Variants in NTN1 observed in about 807,000 individuals in gnomAD.
NTN1 encodes netrin 1.
NTN1 carries 11 observed loss-of-function variants against 54.2 expected under a neutral mutation model. That is an observed-to-expected ratio of 0.20 (90% CI 0.13 to 0.34). The LOEUF is 0.34. Among genes scored for constraint, NTN1 ranks in the 10% least tolerant of loss-of-function variants. The probability of loss-of-function intolerance (pLI) is 1.00; values close to 1 mark genes in which losing one functional copy is unlikely to be tolerated. For missense variants in NTN1, 740 were observed against 893.1 expected (o/e 0.83, Z 2.18); for synonymous variants, 371 against 382.0 (o/e 0.97, Z 0.33).
chr17:9,171,539 G>A (rs1047759589), intron 3 of NTN1: 1 of 152,318 alleles, frequency 6.6e-6, no homozygotes, highest in South Asian at 2.1e-4. Flanking sequence ...ATGATGGATT[G>A]TGGTGAGTTA....
chr17:9,135,525 C>T lies in NTN1; in HGVS notation c.1019-27288C>T, dbSNP rs1231731182. Among the ~76,000 whole-genome samples the T allele has an allele frequency of 6.6e-6, 1 of 152,226 alleles. No homozygotes were observed. Among genetic ancestry groups the T allele is most frequent in the Non-Finnish European group, 1.5e-5 (1 of 68,038 alleles). On this transcript the variant is annotated intron_variant, in intron 2 of 6. Coordinates refer to ENST00000173229, the MANE Select transcript of NTN1 (RefSeq NM_004822.3). This position sits in a 1 kb window ranked among gnomAD's most constrained non-coding sequence, Gnocchi z 4.4. ...TTAGTCCTCTTGACCATGAGACTCT[C>T]CTAAGTTCTGAATGCAGAGGATTGG...
chr17:9,039,619 T>C (rs1414497081), intron 2 of NTN1, among the ~76,000 whole-genome samples: 1 of 152,210 alleles, frequency 6.6e-6, no homozygotes, highest in African/African-American at 2.4e-5. Flanking sequence ...ATAAATAACA[T>C]ATCCATCAGC....
At chr17:9,163,057 C>T in intron 3 of NTN1, 56 bp downstream of exon 3, 1 of 1,498,760 alleles carries the variant, frequency 6.7e-7, no homozygotes. Flanking sequence ...CATCAGTCCT[C>T]CCGCTCCCTC....
chr17:9,118,947 T>G (rs2092223831), intron 2 of NTN1, among the ~76,000 whole-genome samples: 1 of 152,238 alleles, frequency 6.6e-6, no homozygotes, highest in African/African-American at 2.4e-5. Context: ...TTGAGAATAA[T>G]ACTTGCTATG....
intron 2 of NTN1, among the ~76,000 whole-genome samples, chr17:9,097,756 A>G (rs1321930858): frequency 6.6e-6 from 1 of 152,240 alleles, no homozygotes; most frequent in Non-Finnish European, 1.5e-5. Flanking sequence ...CGCTTTTATC[A>G]CTTAATATAT....
intron 2 of NTN1, among the ~76,000 whole-genome samples, chr17:9,070,356 C>T (rs773203899): frequency 6.6e-6 from 1 of 152,144 alleles, no homozygotes; most frequent in African/African-American, 2.4e-5. Flanking sequence ...AAATGTCATG[C>T]GTGCTTCTTT....
rs143697957 is a variant in NTN1, at chr17:9,026,877, C to G, written c.1018+3486C>G. On this transcript the variant is annotated intron_variant, in intron 2 of 6. Coordinates refer to ENST00000173229, the MANE Select transcript of NTN1 (RefSeq NM_004822.3). Reference sequence around the variant, plus strand: ...ATGAAAACTTGTTTTGCGACTCACTCTATGGCTTTGCATTGCTCAGCTGTA... The same window carrying G: ...ATGAAAACTTGTTTTGCGACTCACTGTATGGCTTTGCATTGCTCAGCTGTA... 3.5e-3 allele frequency among the ~76,000 whole-genome samples: 527 copies of G among 152,236 alleles called. 3 individuals are homozygous for G. The highest frequency in any genetic ancestry group is 0.012 in the African/African-American group (497 of 41,526).
In NTN1 at chr17:9,241,680, A is replaced by G. The variant is rs997882013; in HGVS notation, c.*1712A>G. ...TTTACCCGCATCACGGCTGCCATTT[A>G]TTGAGCACCTGCTGTGTGCCAGGCA... On this transcript the variant is annotated 3_prime_UTR_variant, in exon 7 of 7. Transcript: ENST00000173229. 2.6e-5 allele frequency: 4 copies of G among 152,296 alleles called. No individual in the cohort carries two copies. Among genetic ancestry groups the G allele is most frequent in the African/African-American group, 9.7e-5 (4 of 41,414 alleles). 9.4% of individuals were successfully genotyped at this position (152,296 alleles called of 1,614,324 possible).
intron 2 of NTN1, among the ~76,000 whole-genome samples, chr17:9,131,005 T>C (rs1200461882): frequency 6.6e-6 from 1 of 152,198 alleles, no homozygotes; most frequent in Non-Finnish European, 1.5e-5. Flanking sequence ...GTCTGCACTT[T>C]CCCTAATTCT....
intron 2 of NTN1, among the ~76,000 whole-genome samples, chr17:9,065,478 C>T (rs963528833): frequency 3.9e-5 from 6 of 152,156 alleles, no homozygotes; most frequent in Admixed American, 6.5e-5. Flanking sequence ...TCCTGACACC[C>T]GGTCTGAAGC....
chr17:9,150,937 C>T lies in NTN1; in HGVS notation c.1019-11876C>T, dbSNP rs1315279348. Among the ~76,000 whole-genome samples the T allele has an allele frequency of 2.6e-5, 4 of 152,312 alleles. No individual in the cohort carries two copies. In the East Asian group the frequency reaches 5.8e-4, roughly 22 times the overall value. On this transcript the variant is annotated intron_variant, in intron 2 of 6. Transcript: ENST00000173229. Reference sequence around the variant, plus strand: ...GCTGTGCTTTTTGGAGAGCCGAGCCCGTGACCCCGGTATCCTTAATCCTGC... The same window carrying T: ...GCTGTGCTTTTTGGAGAGCCGAGCCTGTGACCCCGGTATCCTTAATCCTGC...
intron 2 of NTN1, among the ~76,000 whole-genome samples, chr17:9,100,977 C>A (rs780716816): frequency 2.0e-5 from 3 of 152,192 alleles, no homozygotes; most frequent in Non-Finnish European, 4.4e-5. Context: ...ATTGAGATCT[C>A]CTGCCTGTAG....
Position 9,211,163 on chromosome 17 carries a change from A to T in NTN1, c.1412-10005A>T, listed in dbSNP as rs371983861. 4.3e-4 allele frequency among the ~76,000 whole-genome samples: 66 copies of T among 152,240 alleles called. No individual in the cohort carries two copies. Among genetic ancestry groups the T allele is most frequent in the African/African-American group, 1.5e-3 (62 of 41,548 alleles). ...GGACTCCCTGCAAACTGTAAGCCTC[A>T]TCTCTGGCTGTGCAAACCCCAGCTT... On this transcript the variant is annotated intron_variant, in intron 5 of 6. Coordinates refer to ENST00000173229, the MANE Select transcript of NTN1 (RefSeq NM_004822.3). The surrounding 1 kb of genome is among the most constrained non-coding windows in gnomAD (Gnocchi z 4.4).
intron 5 of NTN1, among the ~76,000 whole-genome samples, chr17:9,220,359 G>A (rs1175911555): frequency 6.6e-6 from 1 of 152,250 alleles, no homozygotes; most frequent in Non-Finnish European, 1.5e-5. Flanking sequence ...GTGCCGTCAC[G>A]TGAAGCTGTC....
chr17:9,150,790 A>G (rs541862911), intron 2 of NTN1, among the ~76,000 whole-genome samples: 2 of 150,540 alleles, frequency 1.3e-5, no homozygotes. Flanking sequence ...TTTACAGAGA[A>G]AAAAAAAAAG....
At chr17:9,023,417 G>A in intron 2 of NTN1, 26 bp downstream of exon 2, 1 of 1,347,102 alleles carries the variant, frequency 7.4e-7, no homozygotes, top group East Asian at 3.0e-5. Flanking sequence ...CGGCGGAGCC[G>A]GCGGCGGGTG....
Position 9,242,322 on chromosome 17 carries a change from A to T in NTN1, c.*2354A>T, listed in dbSNP as rs527280795. ...GGCTAGAAGACAGGGCCCCTCTCCA[A>T]GCTGTCAGCGCCCCTCGGATGCCCA... On this transcript the variant is annotated 3_prime_UTR_variant, in exon 7 of 7. Transcript: ENST00000173229. The T allele has an allele frequency of 4.6e-5, 7 of 152,406 alleles. No individual in the cohort carries two copies. Among genetic ancestry groups the T allele is most frequent in the African/African-American group, 1.7e-4 (7 of 41,586 alleles). 9.4% of individuals were successfully genotyped at this position (152,406 alleles called of 1,614,324 possible). A position where few individuals can be genotyped will look rare whatever the true frequency, so the allele number is the denominator to read the frequency against.
At chr17:9,109,352 A>G (rs1307908288) in intron 2 of NTN1, among the ~76,000 whole-genome samples, 1 of 152,230 alleles carries the variant, frequency 6.6e-6, no homozygotes, top group East Asian at 1.9e-4. Context: ...TCTTTGCACA[A>G]TACAGAGTGT....
At chr17:9,154,976 C>T (rs572557471) in intron 2 of NTN1, among the ~76,000 whole-genome samples, 1 of 152,148 alleles carries the variant, frequency 6.6e-6, no homozygotes, top group East Asian at 1.9e-4. Context: ...CATCCCTCCC[C>T]ATCAGAGCCT....
Sources: allele counts gnomAD v4.1 joint callset (sites outside exome capture counted in the v4.1 genomes callset), GRCh38; gene constraint gnomAD v4.1.1; non-coding constraint Gnocchi (gnomAD v3.1); transcripts MANE v1.5; gene names NCBI Gene and HGNC (gene_info 2026-07-23, HGNC 2026-07-21).